The following RNF150 variants were observed in gnomAD, a reference collection of about 807,000 sequenced individuals.
RNF150 encodes ring finger protein 150.
A neutral mutation model predicts 39.3 loss-of-function variants in RNF150; 24 were observed. The observed-to-expected ratio is 0.61, with a 90% CI of 0.44 to 0.86. The LOEUF is 0.86. Among genes scored for constraint, RNF150 ranks in the 40% least tolerant of loss-of-function variants. The pLI, the probability that RNF150 is intolerant of heterozygous loss-of-function variation, is 0.00. For missense variants in RNF150, 502 were observed against 587.8 expected (o/e 0.85, Z 1.51); for synonymous variants, 255 against 227.3 (o/e 1.12, Z -1.10).
intron 1 of RNF150, among the ~76,000 whole-genome samples, chr4:141,159,992 A>G (rs1361811235): frequency 6.6e-6 from 1 of 152,084 alleles, no homozygotes; most frequent in Non-Finnish European, 1.5e-5. Context: ...CTTGATTCCC[A>G]AAGGTTCTAC....
chr4:140,973,549 A>AC (rs1733544391), intron 1 of RNF150, among the ~76,000 whole-genome samples: 1 of 151,612 alleles, frequency 6.6e-6, no homozygotes, highest in Non-Finnish European at 1.5e-5. Flanking sequence ...TGAAAAAAAA[A>AC]CTGTATTTTG....
chr4:141,205,884 A>C (rs988152512), intron 1 of RNF150, among the ~76,000 whole-genome samples: 1 of 152,184 alleles, frequency 6.6e-6, no homozygotes, highest in African/African-American at 2.4e-5. Flanking sequence ...GAGGTTGTTC[A>C]ATTAAAAAGA....
At chr4:141,097,696 C>T (rs564987655) in intron 1 of RNF150, among the ~76,000 whole-genome samples, 1 of 151,980 alleles carries the variant, frequency 6.6e-6, no homozygotes, top group Non-Finnish European at 1.5e-5. Context: ...TGAGGATAGC[C>T]TTTTTTTCCT....
chr4:141,116,220 A>T (rs1739545666), intron 1 of RNF150, among the ~76,000 whole-genome samples: 1 of 152,232 alleles, frequency 6.6e-6, no homozygotes, highest in Non-Finnish European at 1.5e-5. Context: ...ACAAAATGGG[A>T]GAAAATTTTT....
At chr4:141,183,832 T>G (rs1020574062) in intron 1 of RNF150, among the ~76,000 whole-genome samples, 3 of 152,244 alleles carry the variant, frequency 2.0e-5, no homozygotes, top group Non-Finnish European at 4.4e-5. Context: ...GCAAAGGACA[T>G]GAACTCATTC....
intron 6 of RNF150, among the ~76,000 whole-genome samples, chr4:140,908,255 GT>G (rs1730467631): frequency 6.6e-6 from 1 of 152,120 alleles, no homozygotes; most frequent in African/African-American, 2.4e-5. Flanking sequence ...AAAAAAATCT[GT>G]ATAGAGCAGA....
intron 6 of RNF150, among the ~76,000 whole-genome samples, chr4:140,905,435 C>T (rs1730336924): frequency 6.6e-6 from 1 of 152,150 alleles, no homozygotes; most frequent in African/African-American, 2.4e-5. Flanking sequence ...CTCCCCTACC[C>T]ATCACTCTGC....
rs189455561 is a variant in RNF150 at position 141,061,738 on chromosome 4, A to C, written c.484+70587T>G. Among the ~76,000 whole-genome samples the C allele has an allele frequency of 4.8e-3, 738 of 152,308 alleles. 5 individuals carry two copies. Among genetic ancestry groups the C allele is most frequent in the South Asian group, 0.021 (101 of 4,828 alleles). On this transcript the variant is annotated intron_variant, in intron 1 of 6. Transcript: ENST00000515673. ...AGAGCACAGTAGCAACTACACACAA[A>C]AAAATTAAGACATAATATACTCATA...
chr4:141,000,762 A>G (rs1734633918), intron 1 of RNF150, among the ~76,000 whole-genome samples: 1 of 152,194 alleles, frequency 6.6e-6, no homozygotes, highest in African/African-American at 2.4e-5. Context: ...CTAAAATGTC[A>G]TATTTCAATG....
At chr4:140,981,320 A>G (rs1733852041) in intron 1 of RNF150, among the ~76,000 whole-genome samples, 1 of 152,140 alleles carries the variant, frequency 6.6e-6, no homozygotes, top group Non-Finnish European at 1.5e-5. Flanking sequence ...TATAAACTCA[A>G]AATTCATTTA....
chr4:141,157,024 G>A (rs989192949), intron 1 of RNF150, among the ~76,000 whole-genome samples: 3 of 152,178 alleles, frequency 2.0e-5, no homozygotes, highest in Admixed American at 6.5e-5. Context: ...TCAGCTGCAA[G>A]TATCAGAATT....
intron 5 of RNF150, 112 bp from the exon 6 acceptor site, chr4:140,911,466 C>A: frequency 1.3e-6 from 1 of 774,736 alleles, no homozygotes; most frequent in Non-Finnish European, 2.0e-6. Flanking sequence ...TTATTGTTTA[C>A]TTCTTGAGCC....
chr4:141,139,179 A>G (rs1727076109), intron 1 of RNF150, among the ~76,000 whole-genome samples: 2 of 152,148 alleles, frequency 1.3e-5, no homozygotes, highest in Admixed American at 6.5e-5. Flanking sequence ...CAATCACGCC[A>G]CTGTACTCCA....
chr4:141,170,837 T>C (rs926357612), intron 1 of RNF150, among the ~76,000 whole-genome samples: 1 of 152,204 alleles, frequency 6.6e-6, no homozygotes. Context: ...GTGATTGTTA[T>C]AAGTGTGGTG....
chr4:141,002,243 T>C (rs942930816), intron 1 of RNF150, among the ~76,000 whole-genome samples: 8 of 150,876 alleles, frequency 5.3e-5, no homozygotes, highest in African/African-American at 1.5e-4. Context: ...AGGGTTTTCC[T>C]AGATTTTTTT....
intron 1 of RNF150, among the ~76,000 whole-genome samples, chr4:141,030,902 C>T (rs1735918704): frequency 1.3e-5 from 2 of 152,028 alleles, no homozygotes; most frequent in Admixed American, 6.6e-5. Flanking sequence ...TGTCAATATA[C>T]TTCACAGTAT....
chr4:141,004,910 A>G lies in RNF150; in HGVS notation c.485-37037T>C, dbSNP rs181742004. On this transcript the variant is annotated intron_variant, in intron 1 of 6. Coordinates refer to ENST00000515673, the MANE Select transcript of RNF150 (RefSeq NM_020724.2). ...ACTACAATGGATTATTTCCTTTTTT[A>G]TTAAAAAAAGAGAAGTTCAATTAAG... Among the ~76,000 whole-genome samples, 64 of 152,308 alleles carry G rather than the reference A, an allele frequency of 4.2e-4. No homozygotes were observed. The East Asian group carries it at 0.012, about 28-fold the overall frequency.
intron 1 of RNF150, among the ~76,000 whole-genome samples, chr4:141,143,242 C>T (rs1054101371): frequency 6.6e-6 from 1 of 152,136 alleles, no homozygotes; most frequent in African/African-American, 2.4e-5. Flanking sequence ...ATCCAGCTGC[C>T]TAATTTACAT....
intron 1 of RNF150, among the ~76,000 whole-genome samples, chr4:140,998,391 C>T (rs945807001): frequency 8.5e-5 from 13 of 152,164 alleles, no homozygotes; most frequent in Non-Finnish European, 8.8e-5. Flanking sequence ...GAGGCAAGGC[C>T]ACATGAGGCC....
Sources: allele counts gnomAD v4.1 joint callset (sites outside exome capture counted in the v4.1 genomes callset), GRCh38; gene constraint gnomAD v4.1.1; transcripts MANE v1.5; gene names NCBI Gene and HGNC (gene_info 2026-07-23, HGNC 2026-07-21).